The following ZDHHC7 variants were observed in gnomAD, a reference collection of about 807,000 sequenced individuals.
The protein encoded by ZDHHC7 is palmitoyltransferase ZDHHC7.
In ZDHHC7, 12 loss-of-function variants were observed where a neutral mutation model predicts 34.1. The ratio of observed to expected loss-of-function variants is 0.35; its 90% CI spans 0.23 to 0.57. The LOEUF is 0.57. Among genes scored for constraint, ZDHHC7 ranks in the 20% least tolerant of loss-of-function variants. The pLI, the probability that ZDHHC7 is intolerant of heterozygous loss-of-function variation, is 0.84. For missense variants in ZDHHC7, 388 were observed against 402.7 expected (o/e 0.96, Z 0.31); for synonymous variants, 185 against 155.4 (o/e 1.19, Z -1.42).
At chr16:85,027,590 C>G in the ZDHHC7 span, among the ~76,000 whole-genome samples, 1 of 152,086 alleles carries the variant, frequency 6.6e-6, no homozygotes, top group Non-Finnish European at 1.5e-5. Flanking sequence ...CGGGCGTACC[C>G]GAGAGCGCTC....
chr16:84,985,976 A>AAAAAAAAT (rs2072431616), intron 3 of ZDHHC7, among the ~76,000 whole-genome samples: 1 of 149,548 alleles, frequency 6.7e-6, no homozygotes, highest in African/African-American at 2.5e-5. Flanking sequence ...AAAAAAAAAA[A>AAAAAAAAT]GAATTGAGAC....
Position 84,976,490 on chromosome 16 carries a change from G to C in ZDHHC7, c.780C>G (p.Pro260=). The C allele has an allele frequency of 6.2e-7, 1 of 1,613,756 alleles. No individual in the cohort carries two copies. Residue 260 remains proline (P), a synonymous_variant, in exon 8 of 8, where the codon CCC becomes CCG. Transcript: ENST00000313732. ...CCCATCGCAGCCTCCGCTCCCATGT[G>C]GGCTTCTCACTTTTCAATCGCTCGA... ...TEIERLKSEK[P]TWERRLRWEG... is the part of the protein sequence containing the mutation.
intron 1 of ZDHHC7, among the ~76,000 whole-genome samples, chr16:85,003,012 T>C (rs1399088874): frequency 1.3e-5 from 2 of 152,092 alleles, no homozygotes; most frequent in Non-Finnish European, 2.9e-5. Flanking sequence ...CTGGTCCTTT[T>C]ATCCAAAAGC....
intron 5 of ZDHHC7, 94 bp from the exon 6 acceptor site, chr16:84,978,099 G>A (rs532237923): frequency 4.0e-5 from 39 of 977,592 alleles, no homozygotes; most frequent in Admixed American, 9.9e-5. Flanking sequence ...ATGCAGCGGC[G>A]TAGTCTCAGC....
intron 3 of ZDHHC7, among the ~76,000 whole-genome samples, chr16:84,983,937 A>C (rs555048238): frequency 6.9e-6 from 1 of 145,952 alleles, no homozygotes; most frequent in South Asian, 2.4e-4. Flanking sequence ...AGCTGCAGTG[A>C]GCCAAGATCA....
In ZDHHC7 at chr16:85,002,759, T is replaced by C. The variant is rs546446797; in HGVS notation, c.-103-6752A>G. Among the ~76,000 whole-genome samples the C allele has an allele frequency of 5.9e-5, 9 of 151,966 alleles. 1 individual carries two copies. In the South Asian group the frequency reaches 1.2e-3, roughly 21 times the overall value. On this transcript the variant is annotated intron_variant, in intron 1 of 7. Coordinates refer to ENST00000313732, the MANE Select transcript of ZDHHC7 (RefSeq NM_017740.3). The stretch of plus-strand genomic sequence containing the variant: ...ATGGTCGACAAAGCGGAATGATCCT[T>C]CCTCCCTGGAGGAAGAAAGGGGAAA...
chr16:85,002,148 T>C (rs1255166487), intron 1 of ZDHHC7, among the ~76,000 whole-genome samples: 1 of 152,102 alleles, frequency 6.6e-6, no homozygotes, highest in Non-Finnish European at 1.5e-5. Flanking sequence ...CAGACTGATA[T>C]AAAGCAGTGG....
At chr16:85,022,017 A>G in the ZDHHC7 span, among the ~76,000 whole-genome samples, 4 of 150,528 alleles carry the variant, frequency 2.7e-5, no homozygotes, top group African/African-American at 9.8e-5. Context: ...AAAATTAGCC[A>G]GGCGTGGTGG....
chr16:85,007,654 G>C (rs1384425090), intron 1 of ZDHHC7, among the ~76,000 whole-genome samples: 1 of 151,912 alleles, frequency 6.6e-6, no homozygotes, highest in African/African-American at 2.4e-5. Context: ...CAGAGGCAAA[G>C]CAGAAGAAAA....
In ZDHHC7 at chr16:84,988,832, T is replaced by A. The variant is rs939818792; in HGVS notation, c.315+1472A>T. On this transcript the variant is annotated intron_variant, in intron 3 of 7. Coordinates refer to ENST00000313732, the MANE Select transcript of ZDHHC7 (RefSeq NM_017740.3). ...CCACAAGGGTTGGGTCCAGCCCAGT[T>A]TTCACTGTGCAGGCAGATGGTCGGC... The A allele has an allele frequency of 5.8e-6, 9 of 1,551,650 alleles. No individual in the cohort carries two copies. In the Admixed American group the frequency reaches 5.9e-5, roughly 10 times the overall value.
At chr16:85,026,248 C>G in the ZDHHC7 span, among the ~76,000 whole-genome samples, 24 of 152,200 alleles carry the variant, frequency 1.6e-4, no homozygotes, top group Admixed American at 4.6e-4. Context: ...GCCACAGCAT[C>G]CATCCTCCTC....
chr16:84,995,198 G>A (rs542284431), intron 2 of ZDHHC7, among the ~76,000 whole-genome samples: 1 of 152,150 alleles, frequency 6.6e-6, no homozygotes, highest in South Asian at 2.1e-4. Context: ...CCTAATGGCC[G>A]ATTTAATGGG....
chr16:85,024,587 C>G, the ZDHHC7 span, among the ~76,000 whole-genome samples: 1 of 152,210 alleles, frequency 6.6e-6, no homozygotes, highest in Non-Finnish European at 1.5e-5. Context: ...TCTCCTACCT[C>G]CTTCCCGTGT....
Position 84,977,182 on chromosome 16 carries a change from G to A in ZDHHC7, c.663C>T (p.Ile221=), listed in dbSNP as rs765437331. ...FSPPITVILL[I]FLCLEGLLFF... ...ACAGAAGACCCTCAAGGCACAGGAA[G>A]ATCAACAGGATTACAGTTATCGGAG... is the stretch of plus-strand genomic sequence containing the variant. The change falls in exon 7 of 8, where the codon ATC becomes ATT. Residue 221 remains isoleucine (I), a synonymous_variant. Transcript: ENST00000313732. 3 of 1,614,212 alleles carry A rather than the reference G, an allele frequency of 1.9e-6. No individual in the cohort carries two copies. The highest frequency in any genetic ancestry group is 2.2e-5 in the East Asian group (1 of 44,882).
At chr16:84,995,693 C>T (rs1357379084) in intron 2 of ZDHHC7, among the ~76,000 whole-genome samples, 1 of 152,202 alleles carries the variant, frequency 6.6e-6, no homozygotes, top group African/African-American at 2.4e-5. Context: ...TTCCCCTCAT[C>T]TTGTGATACT....
At chr16:84,996,384 AG>A (rs2072576907) in intron 1 of ZDHHC7, among the ~76,000 whole-genome samples, 1 of 152,116 alleles carries the variant, frequency 6.6e-6, no homozygotes, top group Non-Finnish European at 1.5e-5. Context: ...CACAGAACAG[AG>A]AGACAGAGCA....
chr16:84,981,856 A>T lies in ZDHHC7; in HGVS notation c.440+14T>A. 1 of 1,613,660 alleles carries T rather than the reference A, an allele frequency of 6.2e-7. No individual in the cohort carries two copies. On this transcript the variant is annotated intron_variant, in intron 4 of 7. Coordinates refer to ENST00000313732, the MANE Select transcript of ZDHHC7 (RefSeq NM_017740.3). Reference sequence around the variant, plus strand: ...TGGCGGATGCGCTCGGGTTTAATACAGCAGCGCACGTACCTGCAGTGGTGG... The same window carrying T: ...TGGCGGATGCGCTCGGGTTTAATACTGCAGCGCACGTACCTGCAGTGGTGG...
chr16:85,013,434 G>A (rs536569527), upstream of ZDHHC7, among the ~76,000 whole-genome samples: 1 of 152,118 alleles, frequency 6.6e-6, no homozygotes, highest in East Asian at 1.9e-4. Flanking sequence ...GTAAAGATAG[G>A]GTTTTGCCAT....
chr16:84,997,604 G>A (rs1011589112), intron 1 of ZDHHC7, among the ~76,000 whole-genome samples: 1 of 150,836 alleles, frequency 6.6e-6, no homozygotes, highest in Non-Finnish European at 1.5e-5. Flanking sequence ...GGACAAAAGA[G>A]TAGAAATGGG....
Sources: gnomAD v4.1 joint callset for allele counts (sites outside exome capture counted in the v4.1 genomes callset) on GRCh38, gnomAD v4.1.1 for gene constraint, MANE v1.5 for transcripts, NCBI Gene and HGNC (gene_info 2026-07-23, HGNC 2026-07-21) for gene names.